The following ATAD2B variants were observed in gnomAD, a reference collection of about 807,000 sequenced individuals.
ATAD2B encodes ATPase family AAA domain-containing protein 2B.
In ATAD2B, 40 loss-of-function variants were observed where a neutral mutation model predicts 167.6. That is an observed-to-expected ratio of 0.24 (90% confidence interval 0.19 to 0.31). The LOEUF is 0.31. Ranked by LOEUF, ATAD2B falls within the 10% of genes least tolerant of loss-of-function variation. The probability of loss-of-function intolerance (pLI) is 1.00; values close to 1 mark genes in which losing one functional copy is unlikely to be tolerated. For synonymous variants in ATAD2B, 579 were observed against 596.5 expected, an observed-to-expected ratio of 0.97 and a Z score of 0.43; for missense variants, 1,242 against 1,757.2, an observed-to-expected ratio of 0.71 and a Z score of 5.24.
At chr2:23,806,341 T>C (rs1379283927) in intron 18 of ATAD2B, 2 of 152,228 alleles carry the variant, frequency 1.3e-5, no homozygotes, top group African/African-American at 4.8e-5. Context: ...TTCCATCTAC[T>C]GATATGAAAT....
intron 13 of ATAD2B, among the ~76,000 whole-genome samples, chr2:23,855,769 G>A (rs1279432033): frequency 6.6e-6 from 1 of 152,206 alleles, no homozygotes; most frequent in African/African-American, 2.4e-5. Flanking sequence ...CATGCCTGTA[G>A]TTCTAGCTAC....
At chr2:23,753,966 AC>A (rs1029058065) in intron 27 of ATAD2B, among the ~76,000 whole-genome samples, 1 of 152,014 alleles carries the variant, frequency 6.6e-6, no homozygotes, top group African/African-American at 2.4e-5. Context: ...AAAAAAAGGA[AC>A]CCCAGATTAC....
At chr2:23,875,517 T>TA (rs113477363) in intron 8 of ATAD2B, among the ~76,000 whole-genome samples, 150,610 of 152,036 alleles carry the variant, frequency 0.99, 74,611 homozygotes, top group East Asian at 1. Flanking sequence ...AAAAAAAAAG[T>TA]AAAACCTTCC....
chr2:23,769,302 G>A (rs1425471619), intron 22 of ATAD2B, among the ~76,000 whole-genome samples: 5 of 152,096 alleles, frequency 3.3e-5, no homozygotes, highest in Non-Finnish European at 4.4e-5. Flanking sequence ...TTAGCCGGGC[G>A]TGGAGGCAGG....
At chr2:23,789,567 G>A (rs1251643165) in intron 19 of ATAD2B, among the ~76,000 whole-genome samples, 1 of 152,096 alleles carries the variant, frequency 6.6e-6, no homozygotes, top group Admixed American at 6.6e-5. Flanking sequence ...TAAAAAAAGG[G>A]AGAAAGTCAC....
Position 23,819,841 on chromosome 2 carries a change from C to T in ATAD2B, c.2173G>A (p.Ala725Thr), listed in dbSNP as rs1436286268. 6.3e-7 allele frequency: 1 copy of T among 1,591,022 alleles called. No homozygotes were observed. The highest frequency in any genetic ancestry group is 8.6e-7 in the Non-Finnish European group (1 of 1,160,256). ...LILEDSEDEN[A>T]LSIFETNCHS... is the part of the protein sequence containing the mutation. ...CAATTGGTCTCAAAAATTGATAAAGCATTTTCATCTTCACTATCCTCTAAA... is the reference window on the plus strand; with the variant it reads ...CAATTGGTCTCAAAAATTGATAAAGTATTTTCATCTTCACTATCCTCTAAA... Residue 725 changes from alanine (A) to threonine (T), a missense_variant, in exon 17 of 28, where the codon GCT (alanine) becomes ACT (threonine). Physicochemically the swap from Ala to Thr is moderately conservative, Grantham distance 58 (BLOSUM62 0). This residue lies in a region of ATAD2B where 145 missense variants were observed against 181.9 expected (regional missense o/e 0.80). Coordinates refer to ENST00000238789, the MANE Select transcript of ATAD2B (RefSeq NM_017552.4).
downstream of ATAD2B, among the ~76,000 whole-genome samples, chr2:23,745,558 A>G (rs1370003585): frequency 6.6e-6 from 1 of 152,164 alleles, no homozygotes; most frequent in Non-Finnish European, 1.5e-5. Flanking sequence ...AAGCCACACC[A>G]CAAGATAGGA....
intron 12 of ATAD2B, among the ~76,000 whole-genome samples, chr2:23,857,898 C>G (rs987300829): frequency 2.0e-5 from 3 of 150,332 alleles, no homozygotes; most frequent in African/African-American, 7.3e-5. Context: ...CACACCACCA[C>G]GCCCGGCTAA....
chr2:23,726,260 T>C, the ATAD2B span, among the ~76,000 whole-genome samples: 3 of 152,238 alleles, frequency 2.0e-5, no homozygotes, highest in Non-Finnish European at 4.4e-5. Flanking sequence ...TTAAGGGTGC[T>C]GACTCCTGTG....
the ATAD2B span, among the ~76,000 whole-genome samples, chr2:23,720,576 C>CT: frequency 3.2e-4 from 8 of 25,362 alleles, no homozygotes; most frequent in Admixed American, 7.6e-4. Context: ...GAGACTCCGT[C>CT]TCAAAAAAAA....
chr2:23,809,596 T>A (rs980875815), intron 18 of ATAD2B, among the ~76,000 whole-genome samples: 1 of 152,180 alleles, frequency 6.6e-6, no homozygotes, highest in South Asian at 2.1e-4. Flanking sequence ...CAAAGTGGCA[T>A]TCCTCTCTCT....
intron 13 of ATAD2B, among the ~76,000 whole-genome samples, chr2:23,836,347 G>A (rs1689969008): frequency 1.3e-5 from 2 of 152,180 alleles, no homozygotes; most frequent in South Asian, 4.1e-4. Flanking sequence ...GAAGCTTGGA[G>A]ACTCCAGGAA....
At chr2:23,805,168 G>C (rs921870693) in intron 18 of ATAD2B, among the ~76,000 whole-genome samples, 4 of 148,856 alleles carry the variant, frequency 2.7e-5, no homozygotes, top group Non-Finnish European at 4.5e-5. Flanking sequence ...GAAAAGAAAA[G>C]AAAATATTTC....
At chr2:23,862,202 A>G (rs1694481570) in intron 12 of ATAD2B, among the ~76,000 whole-genome samples, 4 of 152,124 alleles carry the variant, frequency 2.6e-5, no homozygotes. Context: ...TTCAAAAAAA[A>G]AAAAAAAATT....
At chr2:23,843,828 C>CA (rs1691317132) in intron 13 of ATAD2B, among the ~76,000 whole-genome samples, 1 of 152,202 alleles carries the variant, frequency 6.6e-6, no homozygotes, top group South Asian at 2.1e-4. Context: ...TGGTAAACCT[C>CA]ATGATTCAAA....
intron 22 of ATAD2B, among the ~76,000 whole-genome samples, chr2:23,766,045 A>G (rs1311850678): frequency 6.6e-6 from 1 of 152,218 alleles, no homozygotes; most frequent in Non-Finnish European, 1.5e-5. Context: ...CTAAGTTGAC[A>G]TTGGTCAAAA....
intron 9 of ATAD2B, among the ~76,000 whole-genome samples, chr2:23,868,240 C>T: frequency 6.6e-6 from 1 of 152,044 alleles, no homozygotes; most frequent in Non-Finnish European, 1.5e-5. Context: ...CCATGTTATA[C>T]AACTATAAAA....
chr2:23,881,360 CTTTTTTTTT>C (rs11361642), intron 6 of ATAD2B, among the ~76,000 whole-genome samples: 33 of 80,208 alleles, frequency 4.1e-4, no homozygotes, highest in African/African-American at 1.6e-3. Flanking sequence ...GTGATCAATT[CTTTTTTTTT>C]TTTTTTTTTT....
intron 18 of ATAD2B, chr2:23,799,760 T>G (rs1203180620): frequency 6.6e-6 from 1 of 151,996 alleles, no homozygotes; most frequent in Non-Finnish European, 1.5e-5. Flanking sequence ...GCCAATTCAA[T>G]AATAAACCAG....
Sources: gnomAD v4.1 joint callset for allele counts (sites outside exome capture counted in the v4.1 genomes callset) on GRCh38, gnomAD v4.1.1 for gene constraint, gnomAD v4.1.1 regional missense constraint, MANE v1.5 for transcripts, NCBI Gene and HGNC (gene_info 2026-07-23, HGNC 2026-07-21) for gene names.